Variants in HMCN1 observed in about 807,000 individuals in gnomAD.
HMCN1 encodes the protein hemicentin 1.
A neutral mutation model predicts 625.9 loss-of-function variants in HMCN1; 321 were observed. The observed-to-expected ratio is 0.51, with a 90% confidence interval of 0.47 to 0.56. The LOEUF is 0.56. Ranked by LOEUF, HMCN1 falls within the 20% of genes least tolerant of loss-of-function variation. HMCN1 has a pLI of 0.00. For missense variants in HMCN1, 6,588 were observed against 6,887.3 expected (o/e 0.96, Z 1.54); for synonymous variants, 2,425 against 2,417.6 (o/e 1.00, Z -0.09).
chr1:186,001,559 ATT>A, intron 27 of HMCN1, 33 bp from the exon 28 acceptor site: 1 of 1,611,770 alleles, frequency 6.2e-7, no homozygotes, highest in Non-Finnish European at 8.5e-7. Flanking sequence ...TTTTATTAGG[ATT>A]GGAAATAACA....
intron 85 of HMCN1, among the ~76,000 whole-genome samples, chr1:186,132,035 A>G (rs771359232): frequency 5.3e-5 from 8 of 152,090 alleles, no homozygotes; most frequent in Admixed American, 2.0e-4. Context: ...ATCATAAAAT[A>G]ATGTAATTTT....
At chr1:185,741,630 C>T (rs986823361) in intron 1 of HMCN1, among the ~76,000 whole-genome samples, 8 of 152,114 alleles carry the variant, frequency 5.3e-5, no homozygotes, top group Non-Finnish European at 8.8e-5. Context: ...AAGCAGCCCA[C>T]GAAATTGAAC....
At chr1:185,920,720 C>T (rs1666965227) in intron 6 of HMCN1, among the ~76,000 whole-genome samples, 1 of 151,888 alleles carries the variant, frequency 6.6e-6, no homozygotes, top group Admixed American at 6.6e-5. Flanking sequence ...TTGAAAACCA[C>T]CTTTGTTAGT....
chr1:185,796,807 C>T (rs530157727), intron 1 of HMCN1, among the ~76,000 whole-genome samples: 16 of 152,142 alleles, frequency 1.1e-4, no homozygotes, highest in Non-Finnish European at 2.1e-4. Context: ...GCAATAAACA[C>T]GAGTGCAGAT....
intron 86 of HMCN1, among the ~76,000 whole-genome samples, chr1:186,132,948 A>G (rs1201313871): frequency 6.6e-6 from 1 of 152,116 alleles, no homozygotes; most frequent in African/African-American, 2.4e-5. Flanking sequence ...AGCTTCATCC[A>G]TGTCCCTACA....
At chr1:185,790,664 G>A (rs1265971060) in intron 1 of HMCN1, among the ~76,000 whole-genome samples, 1 of 152,170 alleles carries the variant, frequency 6.6e-6, no homozygotes, top group African/African-American at 2.4e-5. Flanking sequence ...CCTTATGAAG[G>A]ACTCTAAGCA....
At chr1:185,898,817 A>T (rs1057497431) in intron 4 of HMCN1, among the ~76,000 whole-genome samples, 2 of 151,934 alleles carry the variant, frequency 1.3e-5, no homozygotes, top group Non-Finnish European at 2.9e-5. Context: ...TAAAAATGTG[A>T]TTGTGTCTAC....
chr1:186,010,477 A>ATCAG (rs1653930298), intron 30 of HMCN1, among the ~76,000 whole-genome samples: 1 of 152,208 alleles, frequency 6.6e-6, no homozygotes, highest in Non-Finnish European at 1.5e-5. Flanking sequence ...CTTTTAAAGT[A>ATCAG]GATCCTTCCT....
chr1:186,048,876 C>T (rs776598695), intron 42 of HMCN1, 37 bp downstream of exon 42: 1 of 1,286,736 alleles, frequency 7.8e-7, no homozygotes, highest in East Asian at 2.3e-5. Flanking sequence ...AATAATGCAG[C>T]TGTGGTTTTT....
chr1:185,899,389 A>G (rs1665678426), intron 4 of HMCN1, among the ~76,000 whole-genome samples: 1 of 152,162 alleles, frequency 6.6e-6, no homozygotes, highest in Admixed American at 6.6e-5. Flanking sequence ...GCAGCGAAAA[A>G]AATGCCATAG....
At chr1:185,860,468 C>T (rs1268680004) in intron 2 of HMCN1, among the ~76,000 whole-genome samples, 1 of 152,024 alleles carries the variant, frequency 6.6e-6, no homozygotes, top group African/African-American at 2.4e-5. Flanking sequence ...CAAAGTGTTT[C>T]TTTTTTAAAC....
rs1652745056 is a variant in HMCN1 at position 186,178,596 on chromosome 1, T to C, written c.16124T>C (p.Phe5375Ser). Residue 5375 changes from phenylalanine (F) to serine (S), a missense_variant, in exon 104 of 107, where the codon TTC becomes TCC. Physicochemically the swap from Phe to Ser is radical, Grantham distance 155. Around this residue, in one of 3 missense-constraint regions of HMCN1, gnomAD observed 1,954 missense variants for 2,013.1 expected, o/e 0.97. Transcript: ENST00000271588. ...TQYSSYNLAR[F>S]SPVRNNYQPQ... ...TACAGTAGCTATAACCTTGCACGGT[T>C]CTCCCCTGTGAGAAACAACTATCAA... is the stretch of plus-strand genomic sequence containing the variant. The C allele has an allele frequency of 1.2e-6, 2 of 1,613,950 alleles. No individual in the cohort carries two copies. Among genetic ancestry groups the C allele is most frequent in the Non-Finnish European group, 1.7e-6 (2 of 1,179,988 alleles).
In HMCN1 at chr1:185,965,850, G is replaced by A; in HGVS notation, c.2147G>A (p.Gly716Glu). 1 of 1,612,750 alleles carries A rather than the reference G, an allele frequency of 6.2e-7. No homozygotes were observed. The highest frequency in any genetic ancestry group is 8.5e-7 in the Non-Finnish European group (1 of 1,179,070). Residue 716 changes from glycine to glutamate, a missense_variant, in exon 14 of 107, where the codon GGG becomes GAG. Around this residue, in one of 3 missense-constraint regions of HMCN1, gnomAD observed 4,628 missense variants for 4,853.1 expected, o/e 0.95. Coordinates refer to ENST00000271588, the MANE Select transcript of HMCN1 (RefSeq NM_031935.3). ...VVQSELLVAL[G>E]DITVMECKTS... ...CAGAGTGAGCTCTTGGTTGCCCTTGGGGATATAACCGTTATGGAATGCAAA... is the reference window on the plus strand; with the variant it reads ...CAGAGTGAGCTCTTGGTTGCCCTTGAGGATATAACCGTTATGGAATGCAAA...
At chr1:185,944,884 G>C (rs1274036573) in intron 11 of HMCN1, among the ~76,000 whole-genome samples, 1 of 152,168 alleles carries the variant, frequency 6.6e-6, no homozygotes, top group Non-Finnish European at 1.5e-5. Flanking sequence ...AAGAACTTTT[G>C]CAAGTATGGA....
chr1:186,126,129 T>G (rs1473381790), intron 82 of HMCN1, among the ~76,000 whole-genome samples: 1 of 152,046 alleles, frequency 6.6e-6, no homozygotes, highest in African/African-American at 2.4e-5. Context: ...ATTGTAATTT[T>G]TATGCTATAT....
At chr1:186,097,682 C>T (rs1660198272) in intron 68 of HMCN1, among the ~76,000 whole-genome samples, 2 of 151,880 alleles carry the variant, frequency 1.3e-5, no homozygotes, top group African/African-American at 4.8e-5. Context: ...TGGCATTCTT[C>T]ACTGAATTAG....
intron 4 of HMCN1, among the ~76,000 whole-genome samples, chr1:185,871,193 C>A (rs1663596709): frequency 6.7e-6 from 1 of 148,432 alleles, no homozygotes; most frequent in Non-Finnish European, 1.5e-5. Context: ...CGTGCCACTG[C>A]ACTCCAGCCT....
intron 10 of HMCN1, among the ~76,000 whole-genome samples, chr1:185,929,284 C>G (rs756937456): frequency 1.3e-5 from 2 of 151,964 alleles, no homozygotes; most frequent in Non-Finnish European, 2.9e-5. Flanking sequence ...CGCACTAAGA[C>G]GGGCAGAAGT....
intron 11 of HMCN1, among the ~76,000 whole-genome samples, chr1:185,945,689 C>G (rs1668305706): frequency 6.6e-6 from 1 of 152,120 alleles, no homozygotes; most frequent in South Asian, 2.1e-4. Context: ...AGGTAGAAGT[C>G]TTTGCTAGGA....
Sources: gnomAD v4.1 joint callset for allele counts (sites outside exome capture counted in the v4.1 genomes callset) on GRCh38, gnomAD v4.1.1 for gene constraint, gnomAD v4.1.1 regional missense constraint, MANE v1.5 for transcripts, NCBI Gene and HGNC (gene_info 2026-07-23, HGNC 2026-07-21) for gene names.